C12orf56: variants seen among roughly 807,000 people sequenced by gnomAD.
C12orf56 encodes chromosome 12 open reading frame 56.
Under a neutral mutation model 69.9 loss-of-function variants are expected in C12orf56, and 71 were observed. The observed-to-expected ratio is 1.02, with a 90% CI of 0.84 to 1.24. The LOEUF is 1.24. Among genes scored for constraint, C12orf56 ranks in the 50% most tolerant of loss-of-function variants. C12orf56 has a pLI of 0.00. For synonymous variants in C12orf56, 276 were observed against 274.1 expected, an observed-to-expected ratio of 1.01 and a Z score of -0.07; for missense variants, 732 against 738.5, an observed-to-expected ratio of 0.99 and a Z score of 0.10.
intron 2 of C12orf56, chr12:64,338,428 G>T (rs2039026332): frequency 3.9e-6 from 3 of 777,330 alleles, no homozygotes; most frequent in Admixed American, 1.7e-5. Context: ...TGTACATAGG[G>T]ATTTCCTTTT....
chr12:64,373,813 T>A (rs1331064583), intron 1 of C12orf56, among the ~76,000 whole-genome samples: 3 of 152,252 alleles, frequency 2.0e-5, no homozygotes, highest in Admixed American at 1.3e-4. Flanking sequence ...TATGTTTTTT[T>A]AATCTTCTCG....
chr12:64,377,193 CTTT>C (rs751240899), intron 1 of C12orf56, among the ~76,000 whole-genome samples: 63 of 128,214 alleles, frequency 4.9e-4, no homozygotes, highest in African/African-American at 1.8e-3. Context: ...CCTTTGCCCA[CTTT>C]TTTTTTTTTT....
intron 6 of C12orf56, among the ~76,000 whole-genome samples, chr12:64,300,584 C>T (rs767854424): frequency 1.1e-4 from 16 of 152,148 alleles, no homozygotes; most frequent in Non-Finnish European, 2.1e-4. Context: ...CTTTCCCAGT[C>T]CTCTCCTAAC....
At chr12:64,365,853 TTATA>T (rs1222987161) in intron 1 of C12orf56, among the ~76,000 whole-genome samples, 2 of 138,152 alleles carry the variant, frequency 1.4e-5, no homozygotes, top group African/African-American at 5.4e-5. Flanking sequence ...ATATATTGTA[TTATA>T]TATAGTGTAT....
At chr12:64,316,813 C>T (rs1296495216) in intron 4 of C12orf56, among the ~76,000 whole-genome samples, 23 of 152,132 alleles carry the variant, frequency 1.5e-4, no homozygotes, top group Admixed American at 1.0e-3. Context: ...CATCAGGCTC[C>T]GTTCTATTGT....
chr12:64,365,690 C>A (rs1406771197), intron 1 of C12orf56, among the ~76,000 whole-genome samples: 2 of 142,192 alleles, frequency 1.4e-5, no homozygotes, highest in Non-Finnish European at 3.0e-5. Context: ...ATAATATATT[C>A]TATTATATAA....
rs937645428 is a variant in C12orf56, at chr12:64,318,866, G to A, written c.603C>T (p.Ser201=). ...QGAFRPLPSP[S]RRSSQSAPTT... ...TTGGTGCAGACTGAGAGCTCCTCCT[G>A]GAGGGGGAAGGTAGGGGTCGAAAGG... is the stretch of plus-strand genomic sequence containing the variant. The change falls in exon 4 of 13, where the codon TCC becomes TCT. Residue 201 remains serine, a synonymous_variant. Coordinates refer to ENST00000543942, the MANE Select transcript of C12orf56 (RefSeq NM_001170633.2). 12 of 1,537,126 alleles carry A rather than the reference G, an allele frequency of 7.8e-6. No homozygotes were observed. In the African/African-American group the frequency reaches 1.5e-4, roughly 19 times the overall value.
intron 1 of C12orf56, among the ~76,000 whole-genome samples, chr12:64,374,455 G>GT (rs2039614053): frequency 6.6e-6 from 1 of 151,850 alleles, no homozygotes. Flanking sequence ...ACTCACAAAT[G>GT]TATCTACATC....
At chr12:64,276,977 G>A (rs545299853) in intron 9 of C12orf56, among the ~76,000 whole-genome samples, 1 of 71,700 alleles carries the variant, frequency 1.4e-5, no homozygotes, top group South Asian at 4.3e-4. Flanking sequence ...CTGGGCAACA[G>A]AGTGAAACCC....
At chr12:64,388,792 G>A (rs2039827424) in intron 1 of C12orf56, among the ~76,000 whole-genome samples, 1 of 152,200 alleles carries the variant, frequency 6.6e-6, no homozygotes, top group African/African-American at 2.4e-5. Flanking sequence ...TGGAGGCTGA[G>A]GCGGCAGTGA....
Position 64,267,343 on chromosome 12 carries a change from A to G in C12orf56, c.1764-55T>C, listed in dbSNP as rs144382492. ...GAGTTTTAAAAACAAGAATTTTCAC[A>G]TTGGTCACTTGAGTACATTCACACT... On this transcript the variant is annotated intron_variant, in intron 12 of 12. Transcript: ENST00000543942. 166 of 1,362,022 alleles carry G rather than the reference A, an allele frequency of 1.2e-4. No homozygotes were observed. In the African/African-American group the frequency reaches 2.2e-3, roughly 18 times the overall value. 84.4% of individuals were successfully genotyped at this position (1,362,022 alleles called of 1,614,324 possible).
chr12:64,265,741 CCT>C lies in C12orf56; in HGVS notation c.*1440_*1441del, dbSNP rs1224474226. The stretch of plus-strand genomic sequence containing the variant: ...GGAAGTAGATTTTTCTCTGATCCTC[CCT>C]CAAGTCATAATAAGTTGAATGGAGA... On this transcript the variant is annotated 3_prime_UTR_variant, in exon 13 of 13. Transcript: ENST00000543942. The C allele has an allele frequency of 1.3e-5, 2 of 152,222 alleles. No individual in the cohort carries two copies. Among genetic ancestry groups the C allele is most frequent in the African/African-American group, 4.8e-5 (2 of 41,448 alleles). The allele number at this position is 152,222 out of a possible 1,614,324, so 9.4% of individuals were successfully genotyped here. A position where few individuals can be genotyped will look rare whatever the true frequency, so the allele number is the denominator to read the frequency against.
chr12:64,280,132 G>C (rs1243335521), intron 8 of C12orf56, among the ~76,000 whole-genome samples: 4 of 152,102 alleles, frequency 2.6e-5, no homozygotes, highest in African/African-American at 9.7e-5. Context: ...AGAGGAAAAT[G>C]CTGAAATGAT....
Position 64,384,683 on chromosome 12 carries a change from T to C in C12orf56, c.252+5631A>G, listed in dbSNP as rs7952850. The stretch of plus-strand genomic sequence containing the variant: ...TGGAGTTGACAGATTTTCTTTCCCG[T>C]AGGTGATGAGATGGATTTGAAGGAC... On this transcript the variant is annotated intron_variant, in intron 1 of 12. Transcript: ENST00000543942. Among the ~76,000 whole-genome samples the C allele has an allele frequency of 8.2e-3, 1,250 of 152,274 alleles. 17 individuals carry two copies. Among genetic ancestry groups the C allele is most frequent in the African/African-American group, 0.028 (1,163 of 41,560 alleles).
intron 1 of C12orf56, among the ~76,000 whole-genome samples, chr12:64,361,493 A>G (rs2039399827): frequency 6.6e-6 from 1 of 152,112 alleles, no homozygotes; most frequent in South Asian, 2.1e-4. Context: ...GCTAAAACCC[A>G]CCAAAACCAA....
chr12:64,331,781 G>A (rs1038374553), intron 2 of C12orf56, among the ~76,000 whole-genome samples: 2 of 152,094 alleles, frequency 1.3e-5, no homozygotes, highest in African/African-American at 4.8e-5. Flanking sequence ...CCAGAACTGT[G>A]AGAAACAAAT....
At chr12:64,384,095 G>A (rs746300496) in intron 1 of C12orf56, among the ~76,000 whole-genome samples, 11 of 152,148 alleles carry the variant, frequency 7.2e-5, no homozygotes, top group Non-Finnish European at 1.6e-4. Context: ...ACAACCTTAA[G>A]AGGTAGTTCT....
chr12:64,278,945 A>T (rs1206307246), intron 8 of C12orf56, among the ~76,000 whole-genome samples: 3 of 152,146 alleles, frequency 2.0e-5, no homozygotes, highest in Non-Finnish European at 2.9e-5. Context: ...AAATAACAAG[A>T]CTTCATTTTT....
chr12:64,351,324 C>A (rs1019314483), intron 2 of C12orf56, among the ~76,000 whole-genome samples: 1 of 152,144 alleles, frequency 6.6e-6, no homozygotes, highest in Non-Finnish European at 1.5e-5. Context: ...GTCTATGCAA[C>A]CCCCTCCCCT....
Sources: allele counts gnomAD v4.1 joint callset (sites outside exome capture counted in the v4.1 genomes callset), GRCh38; gene constraint gnomAD v4.1.1; transcripts MANE v1.5; gene names NCBI Gene and HGNC (gene_info 2026-07-23, HGNC 2026-07-21).